Variants in EIF3L observed in about 807,000 individuals in gnomAD.
EIF3L encodes the protein eIEF associated protein HSPC021.
EIF3L carries 32 observed loss-of-function variants against 74.6 expected under a neutral mutation model. The ratio of observed to expected loss-of-function variants is 0.43; its 90% confidence interval spans 0.32 to 0.58. EIF3L has a LOEUF of 0.58. Ranked by LOEUF, EIF3L falls within the 20% of genes least tolerant of loss-of-function variation. The pLI, the probability that EIF3L is intolerant of heterozygous loss-of-function variation, is 0.06. For missense variants in EIF3L, 474 were observed against 707.8 expected, an observed-to-expected ratio of 0.67 and a Z score of 3.75; for synonymous variants, 256 against 254.4, an observed-to-expected ratio of 1.01 and a Z score of -0.06.
chr22:37,873,923 A>C (rs1050333599), intron 8 of EIF3L, among the ~76,000 whole-genome samples: 1 of 152,166 alleles, frequency 6.6e-6, no homozygotes, highest in Non-Finnish European at 1.5e-5. Flanking sequence ...TACTGGTACA[A>C]TTTTGTGTCG....
chr22:37,864,179 C>T (rs191015263), intron 7 of EIF3L, among the ~76,000 whole-genome samples: 209 of 152,294 alleles, frequency 1.4e-3, no homozygotes, highest in African/African-American at 4.9e-3. Context: ...ACCTCAGCCA[C>T]CTGAGTAGCT....
chr22:37,863,609 T>C (rs1014937794), intron 7 of EIF3L, among the ~76,000 whole-genome samples: 2 of 152,128 alleles, frequency 1.3e-5, no homozygotes, highest in African/African-American at 4.8e-5. Flanking sequence ...GGTCTGGTGG[T>C]AAGAACACAG....
intron 2 of EIF3L, among the ~76,000 whole-genome samples, chr22:37,850,889 A>G (rs376368146): frequency 1.3e-5 from 2 of 152,182 alleles, no homozygotes; most frequent in East Asian, 3.8e-4. Context: ...GCACAGTCAT[A>G]TATTTAAAAG....
intron 6 of EIF3L, 43 bp downstream of exon 6, chr22:37,863,081 G>A (rs1433640610): frequency 6.8e-7 from 1 of 1,480,386 alleles, no homozygotes; most frequent in South Asian, 1.2e-5. Context: ...TGGTTATGAT[G>A]AGGTTCAGCA....
chr22:37,851,072 T>G (rs970170164), intron 2 of EIF3L, among the ~76,000 whole-genome samples: 1 of 152,072 alleles, frequency 6.6e-6, no homozygotes, highest in East Asian at 1.9e-4. Context: ...AAACAGATAA[T>G]AAGTGAAAAA....
intron 7 of EIF3L, among the ~76,000 whole-genome samples, chr22:37,868,633 G>T (rs1258032747): frequency 1.1e-4 from 3 of 27,676 alleles, no homozygotes; most frequent in African/African-American, 1.7e-4. Flanking sequence ...TTGTTTTGGT[G>T]CTTTTTTTTT....
At chr22:37,858,513 T>G (rs1601757952) in intron 4 of EIF3L, 166 bp from the exon 5 acceptor site, 2 of 682,678 alleles carry the variant, frequency 2.9e-6, no homozygotes, top group Non-Finnish European at 5.2e-6. Context: ...TGGAGTCAAA[T>G]GAGAAGTGGA....
At position 37,860,031 on chromosome 22, in the gene EIF3L, C is replaced by T. The variant is rs144533725; in HGVS notation, c.435+1291C>T. On this transcript the variant is annotated intron_variant, in intron 5 of 12. Coordinates refer to ENST00000652021, the MANE Select transcript of EIF3L (RefSeq NM_016091.4). Reference sequence around the variant, plus strand: ...TTGTCTCAAAAAGAAAAGAAAAATGCCATCTGTATTATTTATATACACCAA... The same window carrying T: ...TTGTCTCAAAAAGAAAAGAAAAATGTCATCTGTATTATTTATATACACCAA... Among the ~76,000 whole-genome samples, 7 of 152,106 alleles carry T rather than the reference C, an allele frequency of 4.6e-5. No individual in the cohort carries two copies. The East Asian group carries it at 1.4e-3, about 30-fold the overall frequency.
intron 2 of EIF3L, among the ~76,000 whole-genome samples, chr22:37,850,870 A>G (rs2146006667): frequency 6.6e-6 from 1 of 152,332 alleles, no homozygotes; most frequent in East Asian, 1.9e-4. Context: ...GTTTATTAGT[A>G]GTAACTTGGC....
chr22:37,887,129 A>G (rs1429203843), intron 12 of EIF3L: 11 of 283,422 alleles, frequency 3.9e-5, no homozygotes, highest in Non-Finnish European at 2.1e-5. Flanking sequence ...GGGTTTCACC[A>G]TGTTGGCCAG....
At chr22:37,856,405 T>C (rs556776562) in intron 4 of EIF3L, among the ~76,000 whole-genome samples, 1 of 152,250 alleles carries the variant, frequency 6.6e-6, no homozygotes, top group East Asian at 1.9e-4. Flanking sequence ...AAATTTTTTG[T>C]AGATACCGGG....
chr22:37,858,507 G>A (rs1925664319), intron 4 of EIF3L, 172 bp from the exon 5 acceptor site: 1 of 672,506 alleles, frequency 1.5e-6, no homozygotes, highest in Non-Finnish European at 2.6e-6. Context: ...GGTTGATGGA[G>A]TCAAATGAGA....
At chr22:37,867,827 C>T (rs1393967174) in intron 7 of EIF3L, among the ~76,000 whole-genome samples, 1 of 150,654 alleles carries the variant, frequency 6.6e-6, no homozygotes, top group Admixed American at 6.6e-5. Flanking sequence ...TGGTGGTGGG[C>T]GCCTGTAGTC....
chr22:37,852,050 C>T (rs1278208133), intron 3 of EIF3L, among the ~76,000 whole-genome samples: 1 of 152,114 alleles, frequency 6.6e-6, no homozygotes, highest in African/African-American at 2.4e-5. Flanking sequence ...GTGATGTACC[C>T]CCGTTGGCCT....
intron 11 of EIF3L, chr22:37,886,207 A>G (rs1927310727): frequency 1.3e-5 from 2 of 150,896 alleles, no homozygotes. Context: ...AAAAAAAAAA[A>G]GACTAGAAAA....
intron 7 of EIF3L, among the ~76,000 whole-genome samples, chr22:37,866,480 G>A (rs1195966214): frequency 2.0e-5 from 3 of 152,158 alleles, no homozygotes; most frequent in Non-Finnish European, 4.4e-5. Flanking sequence ...AGCTTACTGA[G>A]GTATAGTTTA....
At chr22:37,875,758 G>T in intron 9 of EIF3L, 83 bp from the exon 10 acceptor site, 1 of 1,401,592 alleles carries the variant, frequency 7.1e-7, no homozygotes. Flanking sequence ...GGCCTCTGCA[G>T]GGAAAACTCT....
intron 5 of EIF3L, among the ~76,000 whole-genome samples, chr22:37,859,284 T>C (rs192024550): frequency 2.0e-5 from 3 of 151,756 alleles, no homozygotes; most frequent in South Asian, 2.1e-4. Context: ...CAGCTTGTTA[T>C]AACACCAGTA....
chr22:37,870,125 G>C (rs1926392727), intron 7 of EIF3L, 51 bp from the exon 8 acceptor site: 1 of 1,491,384 alleles, frequency 6.7e-7, no homozygotes, highest in Non-Finnish European at 9.1e-7. Flanking sequence ...GGACATGGAT[G>C]ATCACTTTGG....
Sources: gnomAD v4.1 joint callset for allele counts (sites outside exome capture counted in the v4.1 genomes callset) on GRCh38, gnomAD v4.1.1 for gene constraint, MANE v1.5 for transcripts, NCBI Gene and HGNC (gene_info 2026-07-23, HGNC 2026-07-21) for gene names.